The following GJA1 variants were observed in gnomAD, a reference collection of about 807,000 sequenced individuals.
The protein encoded by GJA1 is gap junction alpha-1 protein.
A neutral mutation model predicts 31.0 loss-of-function variants in GJA1; 9 were observed. That is an observed-to-expected ratio of 0.29 (90% confidence interval 0.17 to 0.51). The LOEUF is 0.51. Among genes scored for constraint, GJA1 ranks in the 20% least tolerant of loss-of-function variants. The pLI, the probability that GJA1 is intolerant of heterozygous loss-of-function variation, is 0.98. For synonymous variants in GJA1, 186 were observed against 180.1 expected (o/e 1.03, Z -0.26); for missense variants, 278 against 468.8 (o/e 0.59, Z 3.76).
In GJA1 at chr6:121,447,861, C is replaced by A; in HGVS notation, c.1014C>A (p.Pro338=). The change falls in exon 2 of 2, where the codon CCC becomes CCA. Residue 338 remains proline, a synonymous_variant. Transcript: ENST00000282561. ...CCCATGCACAGCCTTTTGATTTCCC[C>A]GATGATAACCAGAATTCTAAAAAAC... is the stretch of plus-strand genomic sequence containing the variant. ...SNSHAQPFDF[P]DDNQNSKKLA... The A allele has an allele frequency of 6.2e-7, 1 of 1,613,804 alleles. No homozygotes were observed.
At position 121,447,337 on chromosome 6, in the gene GJA1, A is replaced by G. The variant is rs1773905081; in HGVS notation, c.490A>G (p.Ile164Val). 6.2e-7 allele frequency: 1 copy of G among 1,614,088 alleles called. No homozygotes were observed. Among genetic ancestry groups the G allele is most frequent in the Non-Finnish European group, 8.5e-7 (1 of 1,179,970 alleles). ...CATCATCAGTATCCTCTTCAAGTCT[A>G]TCTTTGAGGTGGCCTTCTTGCTGAT... ...TYIISILFKS[I>V]FEVAFLLIQW... Residue 164 changes from isoleucine (I) to valine (V), a missense_variant, in exon 2 of 2, where the codon ATC becomes GTC. By Grantham distance (29) the Ile-to-Val change is conservative (BLOSUM62 3). Around this residue, in one of 3 missense-constraint regions of GJA1, gnomAD observed 80 missense variants for 163.5 expected, o/e 0.49. Transcript: ENST00000282561.
chr6:121,440,781 A>C (rs1388640261), intron 1 of GJA1, among the ~76,000 whole-genome samples: 3 of 151,414 alleles, frequency 2.0e-5, no homozygotes, highest in African/African-American at 7.3e-5. Context: ...TCACTCTATC[A>C]CCCGGGTTGG....
intron 1 of GJA1, among the ~76,000 whole-genome samples, chr6:121,442,870 G>A (rs1299247786): frequency 3.9e-5 from 6 of 152,136 alleles, no homozygotes; most frequent in East Asian, 3.8e-4. Context: ...GGCAAAAAGC[G>A]TGGTCCAGCT....
chr6:121,436,388 G>A (rs1365526747), intron 1 of GJA1, among the ~76,000 whole-genome samples: 1 of 152,102 alleles, frequency 6.6e-6, no homozygotes, highest in African/African-American at 2.4e-5. Context: ...TTAAAACATC[G>A]TGGTTACTTG....
rs765507238 is a variant in GJA1, at chr6:121,447,977, C to T, written c.1130C>T (p.Pro377Leu). ...AGTCGTGCCAGCAGCAGACCTCGGCCTGATGACCTGGAGATCTAGATACAG... is the reference window on the plus strand; with the variant it reads ...AGTCGTGCCAGCAGCAGACCTCGGCTTGATGACCTGGAGATCTAGATACAG... ...ASSRASSRPR[P>L]DDLEI Residue 377 changes from proline (P) to leucine (L), a missense_variant, in exon 2 of 2, where the codon CCT becomes CTT. Around this residue, in one of 3 missense-constraint regions of GJA1, gnomAD observed 172 missense variants for 190.9 expected, o/e 0.90. Coordinates refer to ENST00000282561, the MANE Select transcript of GJA1 (RefSeq NM_000165.5). 1 of 1,613,058 alleles carries T rather than the reference C, an allele frequency of 6.2e-7. No individual in the cohort carries two copies.
chr6:121,443,819 G>A (rs1243265384), intron 1 of GJA1, among the ~76,000 whole-genome samples: 1 of 152,194 alleles, frequency 6.6e-6, no homozygotes, highest in Non-Finnish European at 1.5e-5. Flanking sequence ...TGAATGTGAT[G>A]AGATGTATGC....
At chr6:121,439,821 A>T (rs1278852563) in intron 1 of GJA1, among the ~76,000 whole-genome samples, 1 of 152,202 alleles carries the variant, frequency 6.6e-6, no homozygotes, top group Non-Finnish European at 1.5e-5. Flanking sequence ...ATACCTACAC[A>T]AATGTGCAAT....
rs1351497028 is a variant in GJA1 at position 121,448,619 on chromosome 6, C to G, written c.*623C>G. On this transcript the variant is annotated 3_prime_UTR_variant, in exon 2 of 2. Transcript: ENST00000282561. ...GGCCCACAGAATAAGATTTTCCATG[C>G]ATTTGCAAATACGTATATTCTTTTT... The G allele has an allele frequency of 1.2e-5, 2 of 169,270 alleles. No homozygotes were observed. The highest frequency in any genetic ancestry group is 4.8e-5 in the African/African-American group (2 of 41,444). The allele number at this position is 169,270 out of a possible 1,614,324, so 10.5% of individuals were successfully genotyped here.
rs1476612665 is a variant in GJA1, at chr6:121,448,824, G to A, written c.*828G>A. On this transcript the variant is annotated 3_prime_UTR_variant, in exon 2 of 2. Transcript: ENST00000282561. ...TAATATTTAACAATCACTTATATGT[G>A]TGTCGAAGAGTTTGTTTTGTTTGTC... The A allele has an allele frequency of 6.0e-6, 1 of 166,900 alleles. No homozygotes were observed. Among genetic ancestry groups the A allele is most frequent in the Non-Finnish European group, 1.5e-5 (1 of 68,142 alleles). 10.3% of individuals were successfully genotyped at this position (166,900 alleles called of 1,614,324 possible). A position where few individuals can be genotyped will look rare whatever the true frequency, so the allele number is the denominator to read the frequency against.
chr6:121,437,307 TTTAA>T (rs560517098), intron 1 of GJA1, among the ~76,000 whole-genome samples: 157 of 151,990 alleles, frequency 1.0e-3, no homozygotes, highest in African/African-American at 3.6e-3. Flanking sequence ...AAATGGTTGA[TTTAA>T]TTAAAGTTGT....
chr6:121,448,283 G>A lies in GJA1; in HGVS notation c.*287G>A. 6.3e-6 allele frequency: 3 copies of A among 473,266 alleles called. No homozygotes were observed. The highest frequency in any genetic ancestry group is 8.0e-6 in the Non-Finnish European group (2 of 249,614). The allele number at this position is 473,266 out of a possible 1,614,324, so 29.3% of individuals were successfully genotyped here. A position where few individuals can be genotyped will look rare whatever the true frequency, so the allele number is the denominator to read the frequency against. ...GTTCCATTAGGTGATACATAGATAAGGGCTTTTTCTCCCCGCAAACACCCC... is the reference window on the plus strand; with the variant it reads ...GTTCCATTAGGTGATACATAGATAAAGGCTTTTTCTCCCCGCAAACACCCC... On this transcript the variant is annotated 3_prime_UTR_variant, in exon 2 of 2. Coordinates refer to ENST00000282561, the MANE Select transcript of GJA1 (RefSeq NM_000165.5).
intron 1 of GJA1, among the ~76,000 whole-genome samples, chr6:121,440,507 T>C (rs76430488): frequency 0.025 from 3,785 of 152,158 alleles, 208 homozygotes; most frequent in East Asian, 0.22. Flanking sequence ...AATTGTCACT[T>C]GAAAATTTAA....
chr6:121,441,849 C>A (rs1466029758), intron 1 of GJA1, among the ~76,000 whole-genome samples: 1 of 151,936 alleles, frequency 6.6e-6, no homozygotes, highest in African/African-American at 2.4e-5. Flanking sequence ...GTTTTAAGTG[C>A]GGAGGAATAG....
In GJA1 at chr6:121,446,943, C is replaced by CCGAATCCTGCTGCTGGGGACAG; in HGVS notation, c.99_120dup (p.Val41AsnfsTer9). On this transcript the variant is annotated frameshift_variant, in exon 2 of 2. Coordinates refer to ENST00000282561, the MANE Select transcript of GJA1 (RefSeq NM_000165.5). LOFTEE classifies it high-confidence loss of function. ...TGTGGCTGTCAGTACTTTTCATTTT[C>CCGAATCCTGCTGCTGGGGACAG]CGAATCCTGCTGCTGGGGACAGCGG... is the stretch of plus-strand genomic sequence containing the variant. The CCGAATCCTGCTGCTGGGGACAG allele has an allele frequency of 6.2e-7, 1 of 1,614,088 alleles. No homozygotes were observed. The highest frequency in any genetic ancestry group is 8.5e-7 in the Non-Finnish European group (1 of 1,179,942).
Position 121,447,212 on chromosome 6 carries a change from A to G in GJA1, c.365A>G (p.Asn122Ser), listed in dbSNP as rs769704488. 22 of 1,614,096 alleles carry G rather than the reference A, an allele frequency of 1.4e-5. No homozygotes were observed. The highest frequency in any genetic ancestry group is 1.6e-4 in the Middle Eastern group (1 of 6,062). ...ELKVAQTDGV[N>S]VDMHLKQIEI... ...AAGGTTGCCCAAACTGATGGTGTCA[A>G]TGTGGACATGCACTTGAAGCAGATT... Residue 122 changes from asparagine to serine, a missense_variant, in exon 2 of 2, where the codon AAT becomes AGT. Coordinates refer to ENST00000282561, the MANE Select transcript of GJA1 (RefSeq NM_000165.5).
At position 121,448,494 on chromosome 6, in the gene GJA1, G is replaced by A. The variant is rs575593821; in HGVS notation, c.*498G>A. ...CTAAAACATTCCATTGTTAAAATTT[G>A]CACTTTGAAGGTAAGCTTTCTAGGC... On this transcript the variant is annotated 3_prime_UTR_variant, in exon 2 of 2. Coordinates refer to ENST00000282561, the MANE Select transcript of GJA1 (RefSeq NM_000165.5). 5.2e-4 allele frequency: 95 copies of A among 181,406 alleles called. 2 individuals carry two copies. The highest frequency in any genetic ancestry group is 2.2e-3 in the African/African-American group (93 of 41,766). 11.2% of individuals were successfully genotyped at this position (181,406 alleles called of 1,614,324 possible).
At chr6:121,436,512 A>T (rs913057443) in intron 1 of GJA1, among the ~76,000 whole-genome samples, 2 of 152,186 alleles carry the variant, frequency 1.3e-5, no homozygotes, top group South Asian at 2.1e-4. Flanking sequence ...TTGTGTTAGC[A>T]ACCGCTATGG....
intron 1 of GJA1, among the ~76,000 whole-genome samples, chr6:121,441,388 C>CTCTCT (rs1172753256): frequency 1.3e-5 from 2 of 152,166 alleles, no homozygotes; most frequent in Non-Finnish European, 2.9e-5. Flanking sequence ...ATCTCTTACT[C>CTCTCT]TTTCAAGCAC....
chr6:121,436,186 G>GGGC (rs1554200305), intron 1 of GJA1, among the ~76,000 whole-genome samples: 11 of 105,114 alleles, frequency 1.0e-4, no homozygotes, highest in East Asian at 4.0e-4. Flanking sequence ...TTGTTGGGTG[G>GGGC]GGGGGGGGCG....
Sources: gnomAD v4.1 joint callset for allele counts (sites outside exome capture counted in the v4.1 genomes callset) on GRCh38, gnomAD v4.1.1 for gene constraint, gnomAD v4.1.1 regional missense constraint, MANE v1.5 for transcripts, NCBI Gene and HGNC (gene_info 2026-07-23, HGNC 2026-07-21) for gene names.